The following DOCK8 variants were observed in gnomAD, a reference collection of about 807,000 sequenced individuals.
DOCK8 encodes dedicator of cytokinesis 8.
In DOCK8, 141 loss-of-function variants were observed where a neutral mutation model predicts 245.6. The ratio of observed to expected loss-of-function variants is 0.57; its 90% confidence interval spans 0.50 to 0.66. The LOEUF (loss-of-function observed/expected upper bound fraction) is 0.66. DOCK8 is among the 30% of genes least tolerant of loss of function. The probability of loss-of-function intolerance (pLI) is 0.00; values close to 1 mark genes in which losing one functional copy is unlikely to be tolerated. For missense variants in DOCK8, 2,965 were observed against 2,603.4 expected, an observed-to-expected ratio of 1.14 and a Z score of -3.02; for synonymous variants, 1,168 against 970.2, an observed-to-expected ratio of 1.20 and a Z score of -3.79.
At chr9:311,652 G>T (rs1406414296) in intron 5 of DOCK8, among the ~76,000 whole-genome samples, 12 of 152,166 alleles carry the variant, frequency 7.9e-5, no homozygotes, top group Admixed American at 7.9e-4. Context: ...CCCCAGGAAA[G>T]AACAAGCCAA....
At chr9:247,026 G>T (rs1243973996) in intron 1 of DOCK8, among the ~76,000 whole-genome samples, 3 of 152,158 alleles carry the variant, frequency 2.0e-5, no homozygotes, top group Non-Finnish European at 4.4e-5. Flanking sequence ...ATTGAATTTA[G>T]AATTCCTTAA....
chr9:281,613 C>G (rs1239098695), intron 2 of DOCK8, among the ~76,000 whole-genome samples: 2 of 147,164 alleles, frequency 1.4e-5, no homozygotes, highest in African/African-American at 2.5e-5. Context: ...TGGCTTACCA[C>G]TAGATGTATG....
At chr9:326,963 C>G (rs1301250820) in intron 8 of DOCK8, among the ~76,000 whole-genome samples, 2 of 152,188 alleles carry the variant, frequency 1.3e-5, no homozygotes, top group African/African-American at 2.4e-5. Context: ...CATACAGTGG[C>G]TCTTAAGTAA....
chr9:215,235 C>T, intron 1 of DOCK8: 1 of 1,574,498 alleles, frequency 6.4e-7, no homozygotes, highest in Non-Finnish European at 8.6e-7. Flanking sequence ...CGGCGAGGTC[C>T]TCCCCAAGAA....
intron 9 of DOCK8, among the ~76,000 whole-genome samples, chr9:331,353 T>C (rs1369945395): frequency 1.3e-5 from 2 of 152,244 alleles, no homozygotes; most frequent in Non-Finnish European, 2.9e-5. Context: ...GGTTTTGAAC[T>C]TCTTTGATGA....
chr9:294,835 T>A, intron 4 of DOCK8, among the ~76,000 whole-genome samples: 1 of 152,140 alleles, frequency 6.6e-6, no homozygotes, highest in Non-Finnish European at 1.5e-5. Flanking sequence ...ACAACATGGA[T>A]GAATCTCAGA....
At chr9:413,581 G>T (rs570660306) in intron 28 of DOCK8, among the ~76,000 whole-genome samples, 3 of 152,114 alleles carry the variant, frequency 2.0e-5, no homozygotes, top group Non-Finnish European at 4.4e-5. Context: ...AAATAACTCA[G>T]TTTTTTAAAA....
chr9:366,004 G>A (rs1233815558), intron 14 of DOCK8: 2 of 193,528 alleles, frequency 1.0e-5, no homozygotes, highest in South Asian at 1.9e-4. Context: ...TTTGGGAAGT[G>A]CTGCTAAGTC....
chr9:345,692 C>G (rs1161542141), intron 14 of DOCK8, among the ~76,000 whole-genome samples: 1 of 152,196 alleles, frequency 6.6e-6, no homozygotes, highest in African/African-American at 2.4e-5. Flanking sequence ...TTCCTCCCAC[C>G]TCTTCACTGC....
intron 28 of DOCK8, among the ~76,000 whole-genome samples, chr9:410,273 A>G (rs1009043465): frequency 1.3e-5 from 2 of 152,206 alleles, no homozygotes; most frequent in African/African-American, 4.8e-5. Context: ...GCCCCCCTCA[A>G]GTAACCACTA....
intron 3 of DOCK8, among the ~76,000 whole-genome samples, 163 bp downstream of exon 3, chr9:286,799 T>C (rs2048842683): frequency 6.6e-6 from 1 of 152,176 alleles, no homozygotes; most frequent in Non-Finnish European, 1.5e-5. Context: ...TAAGTATAGA[T>C]AGTTTTTAAA....
intron 5 of DOCK8, among the ~76,000 whole-genome samples, chr9:310,704 G>A (rs559618667): frequency 6.6e-6 from 1 of 152,186 alleles, no homozygotes; most frequent in Non-Finnish European, 1.5e-5. Context: ...CAGGTGATCC[G>A]CCCACCTCGG....
intron 2 of DOCK8, among the ~76,000 whole-genome samples, chr9:274,625 A>G (rs867564007): frequency 5.9e-5 from 9 of 151,824 alleles, no homozygotes; most frequent in East Asian, 1.9e-4. Flanking sequence ...GTTCCCCAAA[A>G]GAAATCATCA....
intron 14 of DOCK8, among the ~76,000 whole-genome samples, chr9:359,276 A>C (rs2052606200): frequency 6.6e-6 from 1 of 152,202 alleles, no homozygotes; most frequent in Admixed American, 6.5e-5. Context: ...TGTTGACCAG[A>C]GAGATTGTTT....
chr9:379,622 G>T, intron 20 of DOCK8, 149 bp from the exon 21 acceptor site: 1 of 807,480 alleles, frequency 1.2e-6, no homozygotes, highest in Non-Finnish European at 2.1e-6. Flanking sequence ...GAGCCAGCAT[G>T]CCAGAGCTCA....
intron 29 of DOCK8, among the ~76,000 whole-genome samples, chr9:417,729 G>A (rs1023960751): frequency 2.0e-5 from 3 of 152,166 alleles, no homozygotes; most frequent in African/African-American, 2.4e-5. Context: ...TTCTGTAATT[G>A]TAGGTGTCTT....
chr9:340,348 G>C (rs138224712), intron 14 of DOCK8, 27 bp downstream of exon 14: 4 of 1,613,328 alleles, frequency 2.5e-6, no homozygotes, highest in Non-Finnish European at 3.4e-6. Context: ...CGGGCTGGGC[G>C]TGGTGGCTTA....
chr9:345,629 G>C (rs1563946473), intron 14 of DOCK8, among the ~76,000 whole-genome samples: 1 of 152,140 alleles, frequency 6.6e-6, no homozygotes, highest in Non-Finnish European at 1.5e-5. Context: ...TAGTGCCTCA[G>C]GTAAAGTTGG....
In DOCK8 at chr9:453,669, C is replaced by T. The variant is rs1040951589; in HGVS notation, c.6068+1552C>T. Among the ~76,000 whole-genome samples the T allele has an allele frequency of 5.3e-5, 8 of 152,262 alleles. No individual in the cohort carries two copies. The South Asian group carries it at 6.2e-4, about 12-fold the overall frequency. The stretch of plus-strand genomic sequence containing the variant: ...CTTGAACTCCTGACCTCAAATGATC[C>T]ACCTGCCTTGGTCTCCCAAAGTGCT... On this transcript the variant is annotated intron_variant, in intron 46 of 47. Coordinates refer to ENST00000432829, the MANE Select transcript of DOCK8 (RefSeq NM_203447.4).
Sources: gnomAD v4.1 joint callset for allele counts (sites outside exome capture counted in the v4.1 genomes callset) on GRCh38, gnomAD v4.1.1 for gene constraint, MANE v1.5 for transcripts, NCBI Gene and HGNC (gene_info 2026-07-23, HGNC 2026-07-21) for gene names.